CDH13: variants seen among roughly 807,000 people sequenced by gnomAD.
CDH13 encodes the protein cadherin 13.
CDH13 carries 24 observed loss-of-function variants against 63.8 expected under a neutral mutation model. The ratio of observed to expected loss-of-function variants is 0.38; its 90% CI spans 0.27 to 0.53. The LOEUF is 0.53. CDH13 is among the 20% of genes least tolerant of loss of function. CDH13 has a pLI of 0.85. For synonymous variants in CDH13, 503 were observed against 355.3 expected, an observed-to-expected ratio of 1.42 and a Z score of -4.67; for missense variants, 1,049 against 903.1, an observed-to-expected ratio of 1.16 and a Z score of -2.07.
intron 1 of CDH13, among the ~76,000 whole-genome samples, chr16:82,837,834 A>T (rs1318059074): frequency 6.6e-6 from 1 of 152,220 alleles, no homozygotes; most frequent in Non-Finnish European, 1.5e-5. Context: ...TCATACAAAC[A>T]TGAGGCACTT....
chr16:82,714,294 T>A (rs1446563077), intron 1 of CDH13, among the ~76,000 whole-genome samples: 1 of 152,132 alleles, frequency 6.6e-6, no homozygotes, highest in Non-Finnish European at 1.5e-5. Context: ...AAAAGATATG[T>A]TGAAGTCCAA....
At chr16:83,781,054 T>C (rs17701213) in intron 12 of CDH13, among the ~76,000 whole-genome samples, 9,818 of 152,290 alleles carry the variant, frequency 0.064, 452 homozygotes, top group Non-Finnish European at 0.1. Flanking sequence ...GGGTTTTTTT[T>C]CAAATCCTTG....
chr16:83,422,982 G>A (rs16960472), intron 6 of CDH13, among the ~76,000 whole-genome samples: 1,682 of 152,198 alleles, frequency 0.011, 32 homozygotes, highest in African/African-American at 0.039. Context: ...GAATACAAAG[G>A]TAAATTAGAC....
At chr16:82,791,782 A>G (rs891658322) in intron 1 of CDH13, among the ~76,000 whole-genome samples, 1 of 152,170 alleles carries the variant, frequency 6.6e-6, no homozygotes, top group African/African-American at 2.4e-5. Flanking sequence ...GCTGAACACT[A>G]GTTGCTGGGC....
At chr16:83,269,996 A>G (rs903179844) in intron 5 of CDH13, among the ~76,000 whole-genome samples, 8 of 152,216 alleles carry the variant, frequency 5.3e-5, no homozygotes, top group African/African-American at 1.9e-4. Flanking sequence ...ATAATGTACT[A>G]CACCTCCTGA....
chr16:83,599,907 C>T (rs1239318989), intron 7 of CDH13, among the ~76,000 whole-genome samples: 1 of 152,058 alleles, frequency 6.6e-6, no homozygotes, highest in Non-Finnish European at 1.5e-5. Flanking sequence ...CAGAGACACT[C>T]GGGAAAGATT....
intron 6 of CDH13, among the ~76,000 whole-genome samples, chr16:83,407,052 A>G (rs938321668): frequency 5.9e-5 from 9 of 152,218 alleles, no homozygotes; most frequent in African/African-American, 2.2e-4. Flanking sequence ...TTGGCCTTCA[A>G]AAGATTTCTC....
intron 2 of CDH13, among the ~76,000 whole-genome samples, chr16:83,016,298 C>T (rs1210073951): frequency 6.6e-6 from 1 of 152,226 alleles, no homozygotes; most frequent in Non-Finnish European, 1.5e-5. Flanking sequence ...GTCAACTAGA[C>T]AGAACCAATC....
chr16:83,508,170 G>A (rs1264852803), intron 7 of CDH13, among the ~76,000 whole-genome samples: 1 of 141,760 alleles, frequency 7.1e-6, no homozygotes, highest in Non-Finnish European at 1.5e-5. Context: ...GGGAGGGGAG[G>A]AGAGGGGAGG....
At chr16:83,539,741 T>C (rs906631558) in intron 7 of CDH13, among the ~76,000 whole-genome samples, 2 of 152,286 alleles carry the variant, frequency 1.3e-5, no homozygotes, top group Admixed American at 6.5e-5. Context: ...AATTGCAGCA[T>C]AGGGAGATGA....
At chr16:83,529,002 G>A (rs1209235989) in intron 7 of CDH13, among the ~76,000 whole-genome samples, 1 of 151,994 alleles carries the variant, frequency 6.6e-6, no homozygotes, top group Non-Finnish European at 1.5e-5. Flanking sequence ...GAAATATAGT[G>A]GATTCAGTTT....
intron 7 of CDH13, among the ~76,000 whole-genome samples, chr16:83,569,538 C>G (rs1314740363): frequency 6.6e-6 from 1 of 152,128 alleles, no homozygotes; most frequent in Non-Finnish European, 1.5e-5. Context: ...ATACATTTTT[C>G]TATTTTTTTC....
intron 6 of CDH13, among the ~76,000 whole-genome samples, chr16:83,357,087 A>T (rs569603180): frequency 1.3e-5 from 2 of 152,062 alleles, no homozygotes; most frequent in Non-Finnish European, 2.9e-5. Context: ...TCGTGTTTCT[A>T]TAGTCAAGCT....
intron 2 of CDH13, among the ~76,000 whole-genome samples, chr16:83,006,847 T>C (rs1315556544): frequency 1.3e-5 from 2 of 152,218 alleles, no homozygotes; most frequent in African/African-American, 4.8e-5. Flanking sequence ...AACAATGTAA[T>C]TTGCCACTAA....
chr16:82,870,152 G>A (rs140318171), intron 2 of CDH13, among the ~76,000 whole-genome samples: 156 of 152,218 alleles, frequency 1.0e-3, no homozygotes, highest in African/African-American at 3.5e-3. Context: ...TTAAAAATGG[G>A]CGAAAGATAT....
intron 6 of CDH13, among the ~76,000 whole-genome samples, chr16:83,392,963 G>A (rs181153171): frequency 8.7e-4 from 133 of 152,184 alleles, no homozygotes; most frequent in African/African-American, 3.0e-3. Context: ...GAGAGGCCCA[G>A]GGGAGGGCAT....
intron 3 of CDH13, among the ~76,000 whole-genome samples, chr16:83,118,194 G>A (rs922380544): frequency 1.3e-5 from 2 of 152,206 alleles, no homozygotes; most frequent in Non-Finnish European, 1.5e-5. Flanking sequence ...GTCTGGTGTT[G>A]GTGGCGGCCC....
intron 5 of CDH13, among the ~76,000 whole-genome samples, chr16:83,246,946 C>T (rs975657094): frequency 7.2e-5 from 11 of 152,182 alleles, no homozygotes; most frequent in African/African-American, 2.4e-4. Context: ...GGTGCCTTTG[C>T]GTATCCATCT....
At chr16:82,907,233 C>G (rs905659289) in intron 2 of CDH13, among the ~76,000 whole-genome samples, 1 of 152,126 alleles carries the variant, frequency 6.6e-6, no homozygotes, top group Non-Finnish European at 1.5e-5. Flanking sequence ...CAGAAAAGAA[C>G]GCGAACCAAA....
Sources: allele counts gnomAD v4.1 joint callset (sites outside exome capture counted in the v4.1 genomes callset), GRCh38; gene constraint gnomAD v4.1.1; transcripts MANE v1.5; gene names NCBI Gene and HGNC (gene_info 2026-07-23, HGNC 2026-07-21).